The following REDIC1 variants were observed in gnomAD, a reference collection of about 807,000 sequenced individuals.
REDIC1 encodes regulator of DNA class I crossover intermediates 1.
chr12:39,724,894 G>A, the REDIC1 span, among the ~76,000 whole-genome samples: 1 of 152,038 alleles, frequency 6.6e-6, no homozygotes, highest in South Asian at 2.1e-4. Flanking sequence ...AGCTTTATAT[G>A]TTTAATTGAA....
At chr12:39,695,122 C>T in the REDIC1 span, among the ~76,000 whole-genome samples, 1 of 152,128 alleles carries the variant, frequency 6.6e-6, no homozygotes, top group South Asian at 2.1e-4. Flanking sequence ...CATTGAGGGC[C>T]TTGGGTGAGA....
the REDIC1 span, among the ~76,000 whole-genome samples, chr12:39,717,600 G>T: frequency 2.6e-5 from 4 of 151,896 alleles, no homozygotes; most frequent in Non-Finnish European, 5.9e-5. Flanking sequence ...GGAGAGGCAG[G>T]CACACTTGGT....
At chr12:39,648,865 T>C in the REDIC1 span, among the ~76,000 whole-genome samples, 2 of 151,626 alleles carry the variant, frequency 1.3e-5, no homozygotes, top group Admixed American at 6.6e-5. Flanking sequence ...TCCATTTTAT[T>C]AAAATTTTTA....
At chr12:39,712,138 A>G in the REDIC1 span, among the ~76,000 whole-genome samples, 7,203 of 129,348 alleles carry the variant, frequency 0.056, 306 homozygotes, top group Non-Finnish European at 0.084. Flanking sequence ...GTATGTACAT[A>G]TACATACATC....
the REDIC1 span, among the ~76,000 whole-genome samples, chr12:39,834,793 T>G: frequency 2.0e-5 from 3 of 152,102 alleles, no homozygotes; most frequent in Non-Finnish European, 4.4e-5. Flanking sequence ...TCATATAGAC[T>G]ATTTTATGGC....
chr12:39,882,816 A>G, the REDIC1 span, among the ~76,000 whole-genome samples: 1 of 152,182 alleles, frequency 6.6e-6, no homozygotes, highest in Non-Finnish European at 1.5e-5. Context: ...ACTTTTCCCC[A>G]GAAATTTATC....
At chr12:39,626,576 T>A in the REDIC1 span, among the ~76,000 whole-genome samples, 2 of 152,204 alleles carry the variant, frequency 1.3e-5, no homozygotes, top group Non-Finnish European at 2.9e-5. Context: ...TTACAAAGGC[T>A]TCACCTGTGG....
At chr12:39,734,390 G>A in the REDIC1 span, among the ~76,000 whole-genome samples, 1 of 152,046 alleles carries the variant, frequency 6.6e-6, no homozygotes, top group South Asian at 2.1e-4. Flanking sequence ...TTTTCTTAAT[G>A]GTGTCTTTTG....
At chr12:39,675,679 C>T in the REDIC1 span, among the ~76,000 whole-genome samples, 1 of 152,196 alleles carries the variant, frequency 6.6e-6, no homozygotes, top group African/African-American at 2.4e-5. Flanking sequence ...AAACTACAAC[C>T]AAGGACTCCC....
chr12:39,881,978 A>G, the REDIC1 span, among the ~76,000 whole-genome samples: 1 of 152,084 alleles, frequency 6.6e-6, no homozygotes, highest in African/African-American at 2.4e-5. Flanking sequence ...TAACTGCTCT[A>G]CCACCAAAAT....
chr12:39,634,673 C>T, the REDIC1 span, among the ~76,000 whole-genome samples: 1 of 152,198 alleles, frequency 6.6e-6, no homozygotes, highest in East Asian at 1.9e-4. Flanking sequence ...AGACCTAACA[C>T]CATAAAAACT....
the REDIC1 span, among the ~76,000 whole-genome samples, chr12:39,668,826 T>A: frequency 5.9e-5 from 9 of 151,946 alleles, no homozygotes; most frequent in Non-Finnish European, 1.2e-4. Context: ...ACCAACACCG[T>A]TTTTTCCAGT....
the REDIC1 span, among the ~76,000 whole-genome samples, chr12:39,669,685 C>T: frequency 1.3e-5 from 2 of 152,354 alleles, no homozygotes; most frequent in Admixed American, 1.3e-4. Flanking sequence ...CCTCCTTGAG[C>T]TGCGGTGGGC....
At chr12:39,750,667 C>T in the REDIC1 span, among the ~76,000 whole-genome samples, 2 of 152,160 alleles carry the variant, frequency 1.3e-5, no homozygotes, top group East Asian at 3.8e-4. Flanking sequence ...AACTATACTA[C>T]AAGGCTACAG....
the REDIC1 span, among the ~76,000 whole-genome samples, chr12:39,690,593 T>C: frequency 6.6e-6 from 1 of 151,932 alleles, no homozygotes; most frequent in Non-Finnish European, 1.5e-5. Flanking sequence ...ATGAATTCTT[T>C]TCAAGATTCA....
At chr12:39,875,222 T>C in the REDIC1 span, among the ~76,000 whole-genome samples, 1 of 152,220 alleles carries the variant, frequency 6.6e-6, no homozygotes, top group African/African-American at 2.4e-5. Context: ...TGTCCCTTCC[T>C]GGAAGCTCCA....
the REDIC1 span, among the ~76,000 whole-genome samples, chr12:39,831,977 C>T: frequency 6.6e-6 from 1 of 152,162 alleles, no homozygotes; most frequent in Non-Finnish European, 1.5e-5. Context: ...ACTAACACAA[C>T]TGGCATGGTT....
At chr12:39,828,196 T>C in the REDIC1 span, among the ~76,000 whole-genome samples, 1 of 152,296 alleles carries the variant, frequency 6.6e-6, no homozygotes, top group East Asian at 1.9e-4. Flanking sequence ...AGGTAACCAA[T>C]AGCAGTGGTC....
the REDIC1 span, among the ~76,000 whole-genome samples, chr12:39,796,976 T>C: frequency 5.3e-5 from 8 of 152,156 alleles, no homozygotes; most frequent in Non-Finnish European, 8.8e-5. Flanking sequence ...ATTAGAAAAA[T>C]AATTTGTTTT....
Sources: allele counts gnomAD v4.1 joint callset (sites outside exome capture counted in the v4.1 genomes callset), GRCh38; gene constraint gnomAD v4.1.1; transcripts MANE v1.5; gene names NCBI Gene and HGNC (gene_info 2026-07-23, HGNC 2026-07-21).